Variants in KIAA0825 observed in about 807,000 individuals in gnomAD.
KIAA0825 encodes the protein KIAA0825.
A neutral mutation model predicts 147.6 loss-of-function variants in KIAA0825; 119 were observed. The ratio of observed to expected loss-of-function variants is 0.81; its 90% confidence interval spans 0.69 to 0.94. The LOEUF (loss-of-function observed/expected upper bound fraction) is 0.94, where lower values mean the gene tolerates loss of function less well. Ranked by LOEUF, KIAA0825 falls within the 40% of genes least tolerant of loss-of-function variation. KIAA0825 has a pLI of 0.00. For missense variants in KIAA0825, 1,381 were observed against 1,472.7 expected (o/e 0.94, Z 1.02); for synonymous variants, 470 against 518.1 (o/e 0.91, Z 1.26).
intron 20 of KIAA0825, among the ~76,000 whole-genome samples, chr5:94,224,162 C>T (rs1295733715): frequency 6.1e-5 from 8 of 131,506 alleles, no homozygotes; most frequent in African/African-American, 2.0e-4. Context: ...GGCACAATCT[C>T]GGCTCACTAC....
At chr5:94,266,893 A>G (rs1776759459) in intron 20 of KIAA0825, among the ~76,000 whole-genome samples, 1 of 152,226 alleles carries the variant, frequency 6.6e-6, no homozygotes, top group Non-Finnish European at 1.5e-5. Context: ...GGGGTCCTCA[A>G]TAATTTTTAA....
intron 14 of KIAA0825, among the ~76,000 whole-genome samples, chr5:94,420,676 A>G (rs1199576846): frequency 2.0e-5 from 3 of 152,130 alleles, no homozygotes; most frequent in African/African-American, 7.2e-5. Flanking sequence ...TGAAGAAGGA[A>G]TAAAAGAAGG....
At chr5:94,226,878 A>G (rs1774217533) in intron 20 of KIAA0825, among the ~76,000 whole-genome samples, 1 of 152,162 alleles carries the variant, frequency 6.6e-6, no homozygotes, top group Admixed American at 6.5e-5. Flanking sequence ...AATGGCAATC[A>G]TTAAAAAGTC....
chr5:94,472,007 T>C (rs1267072894), intron 8 of KIAA0825, among the ~76,000 whole-genome samples: 14 of 152,292 alleles, frequency 9.2e-5, no homozygotes, highest in Non-Finnish European at 1.5e-5. Flanking sequence ...TACATGACAA[T>C]ACCTTTATCT....
chr5:94,535,368 C>T (rs1290068014), intron 3 of KIAA0825, among the ~76,000 whole-genome samples: 2 of 151,456 alleles, frequency 1.3e-5, no homozygotes, highest in South Asian at 2.1e-4. Context: ...AAATTAGCTG[C>T]GTGTGGCGGC....
chr5:94,393,661 AT>A (rs1247128083), intron 17 of KIAA0825, among the ~76,000 whole-genome samples: 1 of 152,088 alleles, frequency 6.6e-6, no homozygotes, highest in African/African-American at 2.4e-5. Context: ...ATACTCATAT[AT>A]TTTTTTAAAT....
intron 20 of KIAA0825, among the ~76,000 whole-genome samples, chr5:94,329,809 C>G (rs779032555): frequency 8.6e-5 from 13 of 151,598 alleles, no homozygotes; most frequent in Admixed American, 3.9e-4. Context: ...GGTATATTAT[C>G]TTACATAAAA....
intron 1 of KIAA0825, among the ~76,000 whole-genome samples, chr5:94,602,310 C>T (rs1585015145): frequency 1.3e-5 from 2 of 151,686 alleles, no homozygotes; most frequent in East Asian, 3.9e-4. Context: ...GAGATCGTGC[C>T]ACTGCACTCC....
chr5:94,585,605 C>T (rs2152376647), intron 1 of KIAA0825, among the ~76,000 whole-genome samples: 1 of 152,114 alleles, frequency 6.6e-6, no homozygotes, highest in East Asian at 1.9e-4. Flanking sequence ...ACTTTAACAC[C>T]CTGCTGTCAA....
At chr5:94,214,177 A>G (rs1477272179) in intron 20 of KIAA0825, among the ~76,000 whole-genome samples, 1 of 152,160 alleles carries the variant, frequency 6.6e-6, no homozygotes, top group Non-Finnish European at 1.5e-5. Flanking sequence ...TTTAATTAGT[A>G]CATGGGTATA....
chr5:94,533,017 C>T (rs1250240039), intron 3 of KIAA0825, among the ~76,000 whole-genome samples: 22 of 145,254 alleles, frequency 1.5e-4, no homozygotes, highest in African/African-American at 5.1e-4. Context: ...CTCGCTCTGT[C>T]GCCCAGGCTG....
Position 94,356,725 on chromosome 5 carries a change from C to CTTTTTTTTTTTTTTTTTTTTTTT in KIAA0825, c.3710+27642_3710+27643insAAAAAAAAAAAAAAAAAAAAAAA, listed in dbSNP as rs1172838355. Among the ~76,000 whole-genome samples the CTTTTTTTTTTTTTTTTTTTTTTT allele has an allele frequency of 1.8e-4, 21 of 116,734 alleles. 3 individuals are homozygous for CTTTTTTTTTTTTTTTTTTTTTTT. The highest frequency in any genetic ancestry group is 5.4e-4 in the African/African-American group (16 of 29,464). The allele number at this position is 116,734 out of a possible 152,430, so 76.6% of individuals were successfully genotyped here. ...TCAAACTTAAGGTTTAACTTGATTT[C>CTTTTTTTTTTTTTTTTTTTTTTT]TTTTTTTTTTTTTTTTTGAGACGGA... On this transcript the variant is annotated intron_variant, in intron 20 of 20. Transcript: ENST00000682413.
intron 20 of KIAA0825, among the ~76,000 whole-genome samples, chr5:94,332,030 T>C (rs1372670417): frequency 1.3e-5 from 2 of 151,354 alleles, no homozygotes; most frequent in African/African-American, 4.9e-5. Flanking sequence ...GGCACAGGGG[T>C]GTGTGCCTAT....
chr5:94,469,452 G>A lies in KIAA0825; in HGVS notation c.1872+509C>T, dbSNP rs145186709. Among the ~76,000 whole-genome samples, 665 of 152,212 alleles carry A rather than the reference G, an allele frequency of 4.4e-3. 12 individuals are homozygous for A. The Middle Eastern group carries it at 0.068, about 16-fold the overall frequency. ...CTTCCAAAGTGCTGGGATTACAGGCGTGAGCCACCGCACCCGGCCTCAAAT... is the reference window on the plus strand; with the variant it reads ...CTTCCAAAGTGCTGGGATTACAGGCATGAGCCACCGCACCCGGCCTCAAAT... On this transcript the variant is annotated intron_variant, in intron 10 of 20. Transcript: ENST00000682413.
At chr5:94,511,459 A>G (rs1175898166) in intron 5 of KIAA0825, among the ~76,000 whole-genome samples, 1 of 152,092 alleles carries the variant, frequency 6.6e-6, no homozygotes, top group Non-Finnish European at 1.5e-5. Context: ...CTTCTCTACT[A>G]AAAATACAAA....
At chr5:94,592,909 G>C (rs995810050) in intron 1 of KIAA0825, 1 of 580,766 alleles carries the variant, frequency 1.7e-6, no homozygotes. Flanking sequence ...TAAGTGTATA[G>C]ATGAGGAGCA....
At chr5:94,340,582 T>G (rs1037451300) in intron 20 of KIAA0825, among the ~76,000 whole-genome samples, 1 of 152,208 alleles carries the variant, frequency 6.6e-6, no homozygotes, top group African/African-American at 2.4e-5. Flanking sequence ...TGGAAGACAA[T>G]AGACCAGTCT....
chr5:94,374,402 A>G (rs570587797), intron 20 of KIAA0825, among the ~76,000 whole-genome samples: 5 of 152,356 alleles, frequency 3.3e-5, no homozygotes, highest in African/African-American at 1.2e-4. Flanking sequence ...GTTAACATAT[A>G]TAACACATAT....
intron 13 of KIAA0825, among the ~76,000 whole-genome samples, chr5:94,451,902 A>T (rs1758463003): frequency 6.6e-6 from 1 of 152,240 alleles, no homozygotes; most frequent in Non-Finnish European, 1.5e-5. Flanking sequence ...TAAGAGATCC[A>T]GTCGTTTGTT....
Sources: gnomAD v4.1 joint callset for allele counts (sites outside exome capture counted in the v4.1 genomes callset) on GRCh38, gnomAD v4.1.1 for gene constraint, MANE v1.5 for transcripts, NCBI Gene and HGNC (gene_info 2026-07-23, HGNC 2026-07-21) for gene names.